Variants in SMG7 observed in about 807,000 individuals in gnomAD.
SMG7 encodes the protein nonsense-mediated mRNA decay factor SMG7.
Under a neutral mutation model 148.2 loss-of-function variants are expected in SMG7, and 34 were observed. That is an observed-to-expected ratio of 0.23 (90% CI 0.17 to 0.31). SMG7 has a LOEUF of 0.31. Ranked by LOEUF, SMG7 falls within the 10% of genes least tolerant of loss-of-function variation. The probability of loss-of-function intolerance (pLI) is 1.00; values close to 1 mark genes in which losing one functional copy is unlikely to be tolerated. For missense variants in SMG7, 1,114 were observed against 1,408.4 expected, an observed-to-expected ratio of 0.79 and a Z score of 3.35; for synonymous variants, 492 against 515.1, an observed-to-expected ratio of 0.96 and a Z score of 0.61.
At chr1:183,516,036 T>G (rs777723106) in intron 3 of SMG7, 45 bp downstream of exon 3, 1 of 1,175,344 alleles carries the variant, frequency 8.5e-7, no homozygotes, top group Non-Finnish European at 1.3e-6. Flanking sequence ...AGATCAAGAA[T>G]TTCACCGAGA....
intron 13 of SMG7, among the ~76,000 whole-genome samples, chr1:183,541,615 C>G (rs1668878007): frequency 6.6e-6 from 1 of 152,148 alleles, no homozygotes; most frequent in Non-Finnish European, 1.5e-5. Context: ...TGGGATCTCC[C>G]CAGTAGATTA....
chr1:183,478,269 A>G (rs557677666), intron 1 of SMG7, among the ~76,000 whole-genome samples: 5 of 152,126 alleles, frequency 3.3e-5, no homozygotes, highest in Non-Finnish European at 5.9e-5. Flanking sequence ...CACCTGCCCC[A>G]TCCCCTTCCT....
intron 4 of SMG7, among the ~76,000 whole-genome samples, chr1:183,519,115 C>G (rs1664193877): frequency 6.6e-6 from 1 of 152,154 alleles, no homozygotes; most frequent in South Asian, 2.1e-4. Flanking sequence ...ATCACTTGAG[C>G]CCAGGAGTTT....
At chr1:183,520,806 T>G (rs1453093264) in intron 4 of SMG7, among the ~76,000 whole-genome samples, 1 of 152,186 alleles carries the variant, frequency 6.6e-6, no homozygotes, top group Non-Finnish European at 1.5e-5. Flanking sequence ...TCATTTTTAT[T>G]GAGGGAGTAT....
At chr1:183,507,234 A>G (rs966155211) in intron 1 of SMG7, among the ~76,000 whole-genome samples, 1 of 152,186 alleles carries the variant, frequency 6.6e-6, no homozygotes, top group African/African-American at 2.4e-5. Context: ...GCATTGTTAC[A>G]TAAGTGCTAT....
At chr1:183,479,840 T>G (rs1263402851) in intron 1 of SMG7, among the ~76,000 whole-genome samples, 1 of 152,128 alleles carries the variant, frequency 6.6e-6, no homozygotes, top group African/African-American at 2.4e-5. Flanking sequence ...AGATTTGGTT[T>G]GTACATTGAA....
chr1:183,486,631 G>A (rs1036835564), intron 1 of SMG7, among the ~76,000 whole-genome samples: 13 of 151,106 alleles, frequency 8.6e-5, no homozygotes, highest in Admixed American at 7.9e-4. Flanking sequence ...GGCTGGTCTC[G>A]AACTCCTGAC....
At chr1:183,521,444 T>C (rs1414300183) in intron 4 of SMG7, among the ~76,000 whole-genome samples, 5 of 152,202 alleles carry the variant, frequency 3.3e-5, no homozygotes, top group Non-Finnish European at 5.9e-5. Flanking sequence ...TTGAAACGGA[T>C]AATGGTGTTA....
In SMG7 at chr1:183,478,038, T is replaced by G. The variant is rs1353281077; in HGVS notation, c.29+5389T>G. 1.2e-4 allele frequency among the ~76,000 whole-genome samples: 18 copies of G among 152,014 alleles called. 2 individuals are homozygous for G. Among genetic ancestry groups the G allele is most frequent in the Admixed American group, 1.2e-3 (18 of 15,248 alleles). ...TATAAATCTTGAAACAGAGAGATAG[T>G]GGAGATAAGGCTGGATAAAGTAGCA... On this transcript the variant is annotated intron_variant, in intron 1 of 22. Coordinates refer to ENST00000688051, the MANE Select transcript of SMG7 (RefSeq NM_001375584.1).
At chr1:183,519,791 CTTG>C (rs1664357369) in intron 4 of SMG7, among the ~76,000 whole-genome samples, 2 of 152,006 alleles carry the variant, frequency 1.3e-5, no homozygotes, top group South Asian at 2.1e-4. Context: ...TAAGCTTTTC[CTTG>C]TTAACAGTTT....
rs747573972 is a variant in SMG7, at chr1:183,526,707, C to A, written c.424C>A (p.Pro142Thr). The change falls in exon 5 of 23, where the codon CCA becomes ACA. Residue 142 changes from proline (P) to threonine (T), a missense_variant. Physicochemically the swap from Pro to Thr is conservative, Grantham distance 38 (BLOSUM62 -1). Coordinates refer to ENST00000688051, the MANE Select transcript of SMG7 (RefSeq NM_001375584.1). ...GACGCATACCAGCGCCATAGTGAAG[C>A]CACAGTCTAGCTCCTGTTCCTATAT... ...KQTHTSAIVKPQSSSCSYICQ... is the reference protein window; with the variant it reads ...KQTHTSAIVKTQSSSCSYICQ... 6.2e-7 allele frequency: 1 copy of A among 1,613,820 alleles called. No individual in the cohort carries two copies. Among genetic ancestry groups the A allele is most frequent in the South Asian group, 1.1e-5 (1 of 91,010 alleles).
At chr1:183,483,593 TTG>T (rs1395933277) in intron 1 of SMG7, among the ~76,000 whole-genome samples, 1 of 152,168 alleles carries the variant, frequency 6.6e-6, no homozygotes, top group Non-Finnish European at 1.5e-5. Context: ...CTGCAGAATT[TTG>T]TGTGTGTGCA....
Position 183,486,316 on chromosome 1 carries a change from G to A in SMG7, c.29+13667G>A, listed in dbSNP as rs187198461. ...TATTCAGTCTTCAAGGAATGGTAGA[G>A]TCTGAATAATTAGTACTATTCTTCA... On this transcript the variant is annotated intron_variant, in intron 1 of 22. Transcript: ENST00000688051. Among the ~76,000 whole-genome samples, 63 of 152,328 alleles carry A rather than the reference G, an allele frequency of 4.1e-4. 3 individuals are homozygous for A. The East Asian group carries it at 0.011, about 27-fold the overall frequency.
chr1:183,503,362 C>A (rs1233078628), intron 1 of SMG7, among the ~76,000 whole-genome samples: 3 of 151,838 alleles, frequency 2.0e-5, no homozygotes, highest in Non-Finnish European at 4.4e-5. Flanking sequence ...ATATCAGGTC[C>A]AATTTTAAAA....
chr1:183,486,405 G>A (rs1655424045), intron 1 of SMG7, among the ~76,000 whole-genome samples: 2 of 152,176 alleles, frequency 1.3e-5, no homozygotes, highest in African/African-American at 4.8e-5. Flanking sequence ...TGTATAAACT[G>A]TGTCACAGGC....
intron 17 of SMG7, among the ~76,000 whole-genome samples, chr1:183,546,641 A>G (rs1669974460): frequency 6.6e-6 from 1 of 152,220 alleles, no homozygotes; most frequent in African/African-American, 2.4e-5. Context: ...AGTTGGGCTG[A>G]ATCATCTAAG....
intron 1 of SMG7, among the ~76,000 whole-genome samples, chr1:183,491,413 C>CT (rs1263570653): frequency 6.6e-6 from 1 of 152,220 alleles, no homozygotes; most frequent in African/African-American, 2.4e-5. Flanking sequence ...AACATTCTGT[C>CT]TAAGTCTTTT....
intron 1 of SMG7, among the ~76,000 whole-genome samples, chr1:183,493,370 A>G (rs560031810): frequency 2.6e-5 from 4 of 152,272 alleles, no homozygotes; most frequent in East Asian, 1.9e-4. Flanking sequence ...CTAGTTGTTT[A>G]TATATATATT....
At position 183,552,122 on chromosome 1, in the gene SMG7, C is replaced by T; in HGVS notation, c.*191C>T. On this transcript the variant is annotated 3_prime_UTR_variant, in exon 23 of 23. Coordinates refer to ENST00000688051, the MANE Select transcript of SMG7 (RefSeq NM_001375584.1). Reference sequence around the variant, plus strand: ...CAGTGCAACAAAAAGAAAAATCCATCAGGAACTCTCCGTCCCCCCGGGGCC... The same window carrying T: ...CAGTGCAACAAAAAGAAAAATCCATTAGGAACTCTCCGTCCCCCCGGGGCC... 7.8e-7 allele frequency: 1 copy of T among 1,285,842 alleles called. No individual in the cohort carries two copies. The highest frequency in any genetic ancestry group is 3.0e-5 in the East Asian group (1 of 32,890). 79.7% of individuals were successfully genotyped at this position (1,285,842 alleles called of 1,614,324 possible).
Sources: gnomAD v4.1 joint callset for allele counts (sites outside exome capture counted in the v4.1 genomes callset) on GRCh38, gnomAD v4.1.1 for gene constraint, MANE v1.5 for transcripts, NCBI Gene and HGNC (gene_info 2026-07-23, HGNC 2026-07-21) for gene names.